Variants in MOCOS observed in about 807,000 individuals in gnomAD.
MOCOS encodes the protein molybdenum cofactor sulfurase.
In MOCOS, 86 loss-of-function variants were observed where a neutral mutation model predicts 83.6. The ratio of observed to expected loss-of-function variants is 1.03; its 90% confidence interval spans 0.86 to 1.23. The LOEUF (loss-of-function observed/expected upper bound fraction) is 1.23, where lower values mean the gene tolerates loss of function less well. Among genes scored for constraint, MOCOS ranks in the 50% most tolerant of loss-of-function variants. The pLI is 0.00. For synonymous variants in MOCOS, 445 were observed against 434.7 expected, an observed-to-expected ratio of 1.02 and a Z score of -0.29; for missense variants, 1,120 against 1,126.9, an observed-to-expected ratio of 0.99 and a Z score of 0.09.
At chr18:36,255,741 C>G (rs182766665) in intron 11 of MOCOS, among the ~76,000 whole-genome samples, 2 of 152,250 alleles carry the variant, frequency 1.3e-5, no homozygotes, top group Admixed American at 1.3e-4. Flanking sequence ...AGGTCCTGGT[C>G]CAGGCAAACC....
intron 9 of MOCOS, 123 bp from the exon 10 acceptor site, chr18:36,248,797 CTA>C: frequency 1.3e-6 from 1 of 769,656 alleles, no homozygotes; most frequent in African/African-American, 1.7e-5. Context: ...TCACATTGGT[CTA>C]TGTGTCTATT....
intron 9 of MOCOS, among the ~76,000 whole-genome samples, chr18:36,229,839 A>G (rs1266750992): frequency 6.6e-6 from 1 of 151,872 alleles, no homozygotes; most frequent in Non-Finnish European, 1.5e-5. Context: ...CTTCACCTCC[A>G]TGATTTCTAT....
At chr18:36,233,613 A>T (rs2144934823) in intron 9 of MOCOS, among the ~76,000 whole-genome samples, 1 of 152,216 alleles carries the variant, frequency 6.6e-6, no homozygotes, top group South Asian at 2.1e-4. Flanking sequence ...GAAACTCCAT[A>T]TTGTTTTCCA....
intron 11 of MOCOS, among the ~76,000 whole-genome samples, chr18:36,252,940 T>C (rs1246827236): frequency 6.6e-6 from 1 of 152,130 alleles, no homozygotes; most frequent in Non-Finnish European, 1.5e-5. Context: ...AAAAGGGGAA[T>C]AGATTTATAC....
chr18:36,266,673 G>A, intron 13 of MOCOS, 76 bp from the exon 14 acceptor site: 1 of 1,268,866 alleles, frequency 7.9e-7, no homozygotes, highest in South Asian at 1.2e-5. Context: ...GGGCATTTCT[G>A]TGTGATTCCT....
At chr18:36,252,998 A>T (rs1028118524) in intron 11 of MOCOS, among the ~76,000 whole-genome samples, 12 of 152,200 alleles carry the variant, frequency 7.9e-5, no homozygotes, top group Non-Finnish European at 1.6e-4. Context: ...GGATAAGCTT[A>T]GAGACATGAT....
At chr18:36,235,154 T>G (rs1046363713) in intron 9 of MOCOS, among the ~76,000 whole-genome samples, 10 of 151,702 alleles carry the variant, frequency 6.6e-5, no homozygotes, top group Admixed American at 5.3e-4. Context: ...TATTATACTT[T>G]AAGTTTTAGG....
rs74181121 is a variant in MOCOS, at chr18:36,255,884, GT to G, written c.2165-1064del. Reference sequence around the variant, plus strand: ...CAATAGTTTCGTCCCCCTTTTAGTAGTTTTTTTTTTTTTTTTTTTTAGACAG... The same window carrying G: ...CAATAGTTTCGTCCCCCTTTTAGTAGTTTTTTTTTTTTTTTTTTTAGACAG... On this transcript the variant is annotated intron_variant, in intron 11 of 14. Transcript: ENST00000261326. Among the ~76,000 whole-genome samples the G allele has an allele frequency of 3.4e-3, 462 of 134,040 alleles. 2 individuals carry two copies. Among genetic ancestry groups the G allele is most frequent in the Middle Eastern group, 7.8e-3 (2 of 256 alleles). The allele number at this position is 134,040 out of a possible 152,430, so 87.9% of individuals were successfully genotyped here.
chr18:36,221,699 A>T (rs2091496597), intron 9 of MOCOS, among the ~76,000 whole-genome samples: 1 of 148,278 alleles, frequency 6.7e-6, no homozygotes, highest in African/African-American at 2.5e-5. Context: ...TTATTACTAG[A>T]GTTATAGAAT....
chr18:36,258,810 T>C (rs1454851608), intron 12 of MOCOS, among the ~76,000 whole-genome samples: 2 of 152,206 alleles, frequency 1.3e-5, no homozygotes, highest in Non-Finnish European at 1.5e-5. Flanking sequence ...CTTCCTCTGT[T>C]GAATGAGGCA....
Position 36,209,806 on chromosome 18 carries a change from G to A in MOCOS, c.1219-3560G>A, listed in dbSNP as rs114876301. On this transcript the variant is annotated intron_variant, in intron 6 of 14. Coordinates refer to ENST00000261326, the MANE Select transcript of MOCOS (RefSeq NM_017947.4). Reference sequence around the variant, plus strand: ...ATTGTGCTGCTATAAACATGTGTGCGTGTGTCTTTTCCACATAATGACGTT... The same window carrying A: ...ATTGTGCTGCTATAAACATGTGTGCATGTGTCTTTTCCACATAATGACGTT... Among the ~76,000 whole-genome samples, 643 of 152,046 alleles carry A rather than the reference G, an allele frequency of 4.2e-3. 5 individuals carry two copies. Among genetic ancestry groups the A allele is most frequent in the African/African-American group, 0.015 (610 of 41,450 alleles).
At chr18:36,199,633 A>G (rs376755492) in intron 3 of MOCOS, 50 bp from the exon 4 acceptor site, 157 of 1,610,414 alleles carry the variant, frequency 9.7e-5, no homozygotes, top group Non-Finnish European at 1.2e-4. Context: ...GCAAACATTC[A>G]GTGCTGGGGC....
In MOCOS at chr18:36,215,496, G is replaced by T. The variant is rs1398238558; in HGVS notation, c.1336-20G>T. 6.2e-7 allele frequency: 1 copy of T among 1,609,694 alleles called. No individual in the cohort carries two copies. The highest frequency in any genetic ancestry group is 2.2e-5 in the East Asian group (1 of 44,868). On this transcript the variant is annotated intron_variant, in intron 7 of 14. Coordinates refer to ENST00000261326, the MANE Select transcript of MOCOS (RefSeq NM_017947.4). ...TGAGAAAGGGGTCACTCTGGCTGAT[G>T]CACTTCCCTCTTATCCTAGGCTGGT...
chr18:36,265,117 G>T (rs2091677344), intron 13 of MOCOS, among the ~76,000 whole-genome samples: 1 of 152,150 alleles, frequency 6.6e-6, no homozygotes, highest in Admixed American at 6.5e-5. Flanking sequence ...TCAGTTCATT[G>T]GTGGAGACGC....
Position 36,220,074 on chromosome 18 carries a change from G to A in MOCOS, c.1817G>A (p.Gly606Glu), listed in dbSNP as rs571933510. The A allele has an allele frequency of 1.2e-5, 19 of 1,613,254 alleles. No homozygotes were observed. The South Asian group carries it at 2.1e-4, about 18-fold the overall frequency. The change falls in exon 9 of 15, where the codon GGA (glycine) becomes GAA (glutamate). Residue 606 changes from glycine (G) to glutamate (E), a missense_variant. By Grantham distance (98) the Gly-to-Glu change is moderately conservative. Transcript: ENST00000261326. ...GTTTAGGTGACCAGGTGGCCTGTAG[G>A]AAACCAAGGGCTGCTATATGACCGG... ...AAFEVTRWPV[G>E]NQGLLYDRSW...
Position 36,203,097 on chromosome 18 carries a change from T to G in MOCOS, c.942-16T>G, listed in dbSNP as rs555001514. On this transcript the variant is annotated splice_polypyrimidine_tract_variant and intron_variant, in intron 4 of 14. Transcript: ENST00000261326. ...TGACCACAGCTTGACCTGTTCTCCTTACCCCGTGGTTATAGGTTTGAAGAT... is the reference window on the plus strand; with the variant it reads ...TGACCACAGCTTGACCTGTTCTCCTGACCCCGTGGTTATAGGTTTGAAGAT... 38 of 1,612,746 alleles carry G rather than the reference T, an allele frequency of 2.4e-5. 1 individual carries two copies. The highest frequency in any genetic ancestry group is 1.2e-4 in the South Asian group (11 of 91,044).
chr18:36,264,959 T>C (rs1390669794), intron 13 of MOCOS, among the ~76,000 whole-genome samples: 1 of 152,138 alleles, frequency 6.6e-6, no homozygotes, highest in Non-Finnish European at 1.5e-5. Flanking sequence ...CAAAAAGGAT[T>C]ATAAACTAGG....
intron 5 of MOCOS, among the ~76,000 whole-genome samples, chr18:36,203,952 A>C (rs1242487953): frequency 6.6e-6 from 1 of 152,212 alleles, no homozygotes; most frequent in Non-Finnish European, 1.5e-5. Context: ...TGCAGGTGAC[A>C]GTGTCTAACA....
chr18:36,211,060 T>C (rs2091453876), intron 6 of MOCOS, among the ~76,000 whole-genome samples: 1 of 151,808 alleles, frequency 6.6e-6, no homozygotes. Flanking sequence ...ATTGTGTGAA[T>C]GGATTCTGTG....
Sources: allele counts gnomAD v4.1 joint callset (sites outside exome capture counted in the v4.1 genomes callset), GRCh38; gene constraint gnomAD v4.1.1; transcripts MANE v1.5; gene names NCBI Gene and HGNC (gene_info 2026-07-23, HGNC 2026-07-21).